PIK3C2A: variants seen among roughly 807,000 people sequenced by gnomAD.
PIK3C2A encodes the protein phosphatidylinositol 4-phosphate 3-kinase C2 domain-containing subunit alpha.
Under a neutral mutation model 204.5 loss-of-function variants are expected in PIK3C2A, and 97 were observed. The ratio of observed to expected loss-of-function variants is 0.47; its 90% CI spans 0.40 to 0.56. The LOEUF (loss-of-function observed/expected upper bound fraction) is 0.56. Among genes scored for constraint, PIK3C2A ranks in the 20% least tolerant of loss-of-function variants. PIK3C2A has a pLI of 0.00. For synonymous variants in PIK3C2A, 653 were observed against 664.4 expected, an observed-to-expected ratio of 0.98 and a Z score of 0.26; for missense variants, 1,735 against 1,969.2, an observed-to-expected ratio of 0.88 and a Z score of 2.25.
rs1311563112 is a variant in PIK3C2A, at chr11:17,169,544, C to T, written c.198G>A (p.Gln66=). 1 of 1,613,938 alleles carries T rather than the reference C, an allele frequency of 6.2e-7. No individual in the cohort carries two copies. Among genetic ancestry groups the T allele is most frequent in the Non-Finnish European group, 8.5e-7 (1 of 1,180,000 alleles). The change falls in exon 2 of 33, where the codon CAG becomes CAA. Residue 66 remains glutamine, a synonymous_variant. Coordinates refer to ENST00000691414, the MANE Select transcript of PIK3C2A (RefSeq NM_002645.4). ...GATCATAATCCTGCTTGTTATAAACCTGTGCTTTTTTTCTGGTGCTGCTTG... is the reference window on the plus strand; with the variant it reads ...GATCATAATCCTGCTTGTTATAAACTTGTGCTTTTTTTCTGGTGCTGCTTG... The part of the protein sequence containing the change: ...ELSSSTRKKA[Q]VYNKQDYDLM...
chr11:17,166,651 C>T (rs937437056), intron 2 of PIK3C2A, among the ~76,000 whole-genome samples: 6 of 152,154 alleles, frequency 3.9e-5, no homozygotes, highest in East Asian at 1.9e-4. Flanking sequence ...TGAGCCTAAG[C>T]GCAGCTCCCT....
At chr11:17,203,394 T>C (rs758033335) in intron 1 of PIK3C2A, among the ~76,000 whole-genome samples, 1 of 151,550 alleles carries the variant, frequency 6.6e-6, no homozygotes, top group Non-Finnish European at 1.5e-5. Context: ...ATACAAAGTA[T>C]ACATAAATGA....
chr11:17,193,558 T>C (rs1591020714), intron 1 of PIK3C2A: 1 of 422,962 alleles, frequency 2.4e-6, no homozygotes, highest in East Asian at 8.3e-5. Context: ...ATTAAGAAAC[T>C]GCGATCAAGC....
At chr11:17,121,648 T>C (rs1280295856) in intron 15 of PIK3C2A, among the ~76,000 whole-genome samples, 2 of 152,200 alleles carry the variant, frequency 1.3e-5, no homozygotes, top group African/African-American at 2.4e-5. Flanking sequence ...TTTCACAAGG[T>C]ATTTTAATTT....
intron 12 of PIK3C2A, among the ~76,000 whole-genome samples, chr11:17,131,699 G>A (rs887556857): frequency 2.6e-5 from 4 of 152,136 alleles, no homozygotes; most frequent in African/African-American, 9.7e-5. Context: ...GGGATTACAG[G>A]TGTGAGCCAC....
intron 1 of PIK3C2A, among the ~76,000 whole-genome samples, chr11:17,181,309 T>C (rs911514293): frequency 6.6e-6 from 1 of 151,546 alleles, no homozygotes; most frequent in Non-Finnish European, 1.5e-5. Flanking sequence ...ACACCCATCC[T>C]GAAGTTATCT....
chr11:17,131,727 T>C (rs1849702777), intron 12 of PIK3C2A, among the ~76,000 whole-genome samples, 189 bp downstream of exon 12: 1 of 152,216 alleles, frequency 6.6e-6, no homozygotes, highest in Non-Finnish European at 1.5e-5. Context: ...GGTCGGTATT[T>C]AATATTTTTT....
chr11:17,134,606 C>T (rs1849810100), intron 11 of PIK3C2A, among the ~76,000 whole-genome samples: 1 of 152,202 alleles, frequency 6.6e-6, no homozygotes, highest in African/African-American at 2.4e-5. Context: ...GGTGATCCAC[C>T]CGCTTCAGCC....
chr11:17,133,055 A>C (rs1254954806), intron 11 of PIK3C2A, among the ~76,000 whole-genome samples: 2 of 152,234 alleles, frequency 1.3e-5, no homozygotes, highest in Admixed American at 6.5e-5. Flanking sequence ...TTCTAAATTT[A>C]ATTCAAATCA....
intron 32 of PIK3C2A, 46 bp downstream of exon 32, chr11:17,091,286 TAA>T (rs767476832): frequency 6.5e-7 from 1 of 1,548,148 alleles, no homozygotes; most frequent in Non-Finnish European, 8.8e-7. Context: ...AAATGAAAAT[TAA>T]AAAAATAATA....
intron 1 of PIK3C2A, among the ~76,000 whole-genome samples, chr11:17,186,478 A>C (rs1293072276): frequency 6.6e-6 from 1 of 152,250 alleles, no homozygotes; most frequent in African/African-American, 2.4e-5. Flanking sequence ...TTAAACAAAT[A>C]GGTGAAATTA....
At chr11:17,181,683 CACACACACACAA>C (rs1169756599) in intron 1 of PIK3C2A, among the ~76,000 whole-genome samples, 38 of 118,546 alleles carry the variant, frequency 3.2e-4, no homozygotes, top group Non-Finnish European at 5.9e-4. Flanking sequence ...CACACACACA[CACACACACACAA>C]ACACACACAC....
intron 22 of PIK3C2A, among the ~76,000 whole-genome samples, chr11:17,108,674 AT>A: frequency 6.6e-6 from 1 of 152,196 alleles, no homozygotes; most frequent in African/African-American, 2.4e-5. Flanking sequence ...TGGCCAAGAC[AT>A]GGCTTAGCAG....
At chr11:17,113,140 T>C (rs1471948696) in intron 20 of PIK3C2A, among the ~76,000 whole-genome samples, 2 of 152,062 alleles carry the variant, frequency 1.3e-5, no homozygotes, top group Non-Finnish European at 2.9e-5. Flanking sequence ...GCCTCCCGAG[T>C]AGCTGGGATT....
chr11:17,096,106 T>C (rs969122691), intron 27 of PIK3C2A, among the ~76,000 whole-genome samples: 7 of 151,870 alleles, frequency 4.6e-5, no homozygotes, highest in Admixed American at 1.3e-4. Context: ...TGGCACAATA[T>C]TGGCTTACTG....
chr11:17,202,670 T>C (rs1212098778), intron 1 of PIK3C2A, among the ~76,000 whole-genome samples: 1 of 152,218 alleles, frequency 6.6e-6, no homozygotes, highest in Admixed American at 6.5e-5. Flanking sequence ...CACAACATCT[T>C]TGGGCCTCAG....
intron 26 of PIK3C2A, among the ~76,000 whole-genome samples, chr11:17,098,559 AATAC>A (rs1848520291): frequency 6.6e-6 from 1 of 152,232 alleles, no homozygotes; most frequent in South Asian, 2.1e-4. Context: ...CAGGCAGACG[AATAC>A]ATGCCTGCTT....
intron 12 of PIK3C2A, among the ~76,000 whole-genome samples, chr11:17,131,663 C>T (rs893327972): frequency 5.9e-5 from 9 of 152,084 alleles, no homozygotes; most frequent in East Asian, 1.9e-4. Context: ...CCTCATGATC[C>T]GCCCGCCTTG....
rs1156468690 is a variant in PIK3C2A at position 17,110,365 on chromosome 11, G to A, written c.3544+67C>T. On this transcript the variant is annotated intron_variant, in intron 22 of 32. Coordinates refer to ENST00000691414, the MANE Select transcript of PIK3C2A (RefSeq NM_002645.4). ...AGGGTATCTGCATCAGGATGTTTAC[G>A]GCAGGTACACTTTAAGCTAAGTTCA... 1.6e-5 allele frequency: 19 copies of A among 1,196,328 alleles called. No homozygotes were observed. In the East Asian group the frequency reaches 1.9e-4, roughly 12 times the overall value. 74.1% of individuals were successfully genotyped at this position (1,196,328 alleles called of 1,614,324 possible). A position where few individuals can be genotyped will look rare whatever the true frequency, so the allele number is the denominator to read the frequency against.
Sources: gnomAD v4.1 joint callset for allele counts (sites outside exome capture counted in the v4.1 genomes callset) on GRCh38, gnomAD v4.1.1 for gene constraint, MANE v1.5 for transcripts, NCBI Gene and HGNC (gene_info 2026-07-23, HGNC 2026-07-21) for gene names.